The following LINGO1 variants were observed in gnomAD, a reference collection of about 807,000 sequenced individuals.
LINGO1 encodes leucine-rich repeat and immunoglobulin-like domain-containing nogo receptor-interacting protein 1.
LINGO1 carries 11 observed loss-of-function variants against 37.3 expected under a neutral mutation model. That is an observed-to-expected ratio of 0.29 (90% CI 0.19 to 0.49). The LOEUF is 0.49. LINGO1 is among the 20% of genes least tolerant of loss of function. LINGO1 has a pLI of 0.99. For missense variants in LINGO1, 585 were observed against 878.2 expected, an observed-to-expected ratio of 0.67 and a Z score of 4.22; for synonymous variants, 387 against 403.0, an observed-to-expected ratio of 0.96 and a Z score of 0.48.
At chr15:77,638,191 C>T (rs2074432030), upstream of LINGO1, among the ~76,000 whole-genome samples, 1 of 152,212 alleles carries the variant, frequency 6.6e-6, no homozygotes, top group Admixed American at 6.5e-5. Flanking sequence ...CCCTTCTGCA[C>T]TGGGTGGCCT....
chr15:77,795,008 G>A (rs769122696), intron 2 of LINGO1, among the ~76,000 whole-genome samples: 4 of 152,096 alleles, frequency 2.6e-5, no homozygotes, highest in Non-Finnish European at 5.9e-5. Context: ...TCAGGAGAAG[G>A]GAGTCCAGGC....
upstream of LINGO1, among the ~76,000 whole-genome samples, chr15:77,638,150 T>G (rs1260539178): frequency 6.6e-6 from 1 of 152,220 alleles, no homozygotes; most frequent in Non-Finnish European, 1.5e-5. Context: ...AAATGAGGTC[T>G]GGGCCTGGCC....
chr15:77,672,884 C>T (rs2075274209), intron 3 of LINGO1, among the ~76,000 whole-genome samples: 1 of 152,196 alleles, frequency 6.6e-6, no homozygotes, highest in African/African-American at 2.4e-5. Flanking sequence ...TCTGATCAAT[C>T]ACCAAGTCTA....
At chr15:77,757,823 C>G (rs945046619) in intron 1 of LINGO1, among the ~76,000 whole-genome samples, 5 of 152,218 alleles carry the variant, frequency 3.3e-5, no homozygotes, top group African/African-American at 1.2e-4. Context: ...CAGTCCCCAG[C>G]CCTGGCCCAG....
chr15:77,733,246 C>T (rs2085454317), intron 2 of LINGO1, among the ~76,000 whole-genome samples: 1 of 152,202 alleles, frequency 6.6e-6, no homozygotes, highest in African/African-American at 2.4e-5. Context: ...AGGCACACTC[C>T]GAGCAGAGGG....
chr15:77,614,735 C>A lies in LINGO1; in HGVS notation c.1172G>T (p.Arg391Leu), dbSNP rs201438433. 6.2e-7 allele frequency: 1 copy of A among 1,606,790 alleles called. No individual in the cohort carries two copies. Among genetic ancestry groups the A allele is most frequent in the East Asian group, 2.3e-5 (1 of 44,428 alleles). The change falls in exon 2 of 2, where the codon CGG becomes CTG. Residue 391 changes from arginine (R) to leucine (L), a missense_variant. Arg to Leu is a moderately radical substitution (Grantham distance 102). Coordinates refer to ENST00000355300, the MANE Select transcript of LINGO1 (RefSeq NM_032808.7). ...GGGCGTGGCGCACGTGGGCTGCTGC[C>A]GGTTGAAGTTGAGCCGCCAGCGGCG... ...FRRRWRLNFN[R>L]QQPTCATPEF...
chr15:77,735,216 C>T (rs975174881), intron 1 of LINGO1, among the ~76,000 whole-genome samples: 1 of 152,238 alleles, frequency 6.6e-6, no homozygotes, highest in African/African-American at 2.4e-5. Flanking sequence ...TGGAAGCTTG[C>T]GGGCAAGCCT....
chr15:77,789,118 CAT>C (rs35885541), upstream of LINGO1, among the ~76,000 whole-genome samples: 85,277 of 151,842 alleles, frequency 0.56, 23,980 homozygotes, highest in South Asian at 0.61. Context: ...CTGTGAAAAT[CAT>C]AGCTCTAGTC....
intron 3 of LINGO1, among the ~76,000 whole-genome samples, chr15:77,673,181 C>G (rs1035796152): frequency 3.3e-5 from 5 of 151,584 alleles, no homozygotes; most frequent in African/African-American, 1.2e-4. Flanking sequence ...CAGTATAGGC[C>G]AATATTTTTA....
upstream of LINGO1, among the ~76,000 whole-genome samples, chr15:77,789,044 C>T (rs1018328250): frequency 1.3e-5 from 2 of 152,200 alleles, no homozygotes; most frequent in African/African-American, 4.8e-5. Context: ...CTCGATACTC[C>T]TCCTGTGCAC....
chr15:77,711,286 T>C (rs577011923), intron 2 of LINGO1, among the ~76,000 whole-genome samples: 2 of 152,392 alleles, frequency 1.3e-5, no homozygotes, highest in South Asian at 4.1e-4. Flanking sequence ...CTTATTATTT[T>C]GTCCTGTCTC....
chr15:77,803,675 T>A (rs1293464189), intron 1 of LINGO1, among the ~76,000 whole-genome samples: 2 of 151,976 alleles, frequency 1.3e-5, no homozygotes, highest in Admixed American at 1.3e-4. Flanking sequence ...AGATCTGAGA[T>A]CTGGCCGTTT....
At chr15:77,807,687 A>G (rs912673761) in intron 1 of LINGO1, among the ~76,000 whole-genome samples, 1 of 152,226 alleles carries the variant, frequency 6.6e-6, no homozygotes, top group African/African-American at 2.4e-5. Flanking sequence ...GAAAGGAAGA[A>G]GAAAATCTGG....
At chr15:77,668,640 G>C (rs1333748019) in intron 3 of LINGO1, among the ~76,000 whole-genome samples, 1 of 152,070 alleles carries the variant, frequency 6.6e-6, no homozygotes, top group Non-Finnish European at 1.5e-5. Context: ...CACATGGCAA[G>C]TTCATGACAG....
upstream of LINGO1, among the ~76,000 whole-genome samples, chr15:77,635,950 G>C (rs1364312481): frequency 6.6e-6 from 1 of 152,238 alleles, no homozygotes; most frequent in Non-Finnish European, 1.5e-5. Context: ...GAATGGGTTT[G>C]CCCGGGAACA....
At chr15:77,616,229 C>T (rs2073716075) in intron 1 of LINGO1, among the ~76,000 whole-genome samples, 1 of 152,208 alleles carries the variant, frequency 6.6e-6, no homozygotes, top group Admixed American at 6.5e-5. Context: ...AAGCACACAC[C>T]CTGCCCTGAA....
chr15:77,818,498 G>A (rs1235470445), intron 1 of LINGO1, among the ~76,000 whole-genome samples: 1 of 152,232 alleles, frequency 6.6e-6, no homozygotes, highest in Non-Finnish European at 1.5e-5. Flanking sequence ...GGGGCACCAG[G>A]CCGGCAGACC....
chr15:77,809,410 T>G (rs939347210), intron 1 of LINGO1, among the ~76,000 whole-genome samples: 3 of 152,188 alleles, frequency 2.0e-5, no homozygotes, highest in Admixed American at 1.3e-4. Flanking sequence ...GAACCTCAGT[T>G]TCCTCATTTG....
intron 1 of LINGO1, among the ~76,000 whole-genome samples, chr15:77,754,792 G>A (rs998226255): frequency 4.6e-5 from 7 of 152,344 alleles, no homozygotes; most frequent in East Asian, 1.9e-4. Context: ...AGAGGGCCAC[G>A]GTGAGGGTAG....
Sources: allele counts gnomAD v4.1 joint callset (sites outside exome capture counted in the v4.1 genomes callset), GRCh38; gene constraint gnomAD v4.1.1; transcripts MANE v1.5; gene names NCBI Gene and HGNC (gene_info 2026-07-23, HGNC 2026-07-21).